Variants in EPB41L4A observed in about 807,000 individuals in gnomAD.
The protein encoded by EPB41L4A is erythrocyte membrane protein band 4.1 like 4A, also known as band 4.1-like protein 4A.
Under a neutral mutation model 108.6 loss-of-function variants are expected in EPB41L4A, and 100 were observed. The ratio of observed to expected loss-of-function variants is 0.92; its 90% CI spans 0.78 to 1.09. The LOEUF is 1.09. EPB41L4A is among the 50% of genes least tolerant of loss of function. EPB41L4A has a pLI of 0.00. For missense variants in EPB41L4A, 1,030 were observed against 842.7 expected (o/e 1.22, Z -2.75); for synonymous variants, 319 against 289.0 (o/e 1.10, Z -1.05).
At chr5:112,198,501 G>A (rs891065493) in intron 15 of EPB41L4A, among the ~76,000 whole-genome samples, 1 of 152,172 alleles carries the variant, frequency 6.6e-6, no homozygotes, top group Non-Finnish European at 1.5e-5. Context: ...TATGTCAAAT[G>A]CTTAGTGGGT....
chr5:112,190,685 G>A (rs1298467761), intron 17 of EPB41L4A, among the ~76,000 whole-genome samples: 1 of 152,060 alleles, frequency 6.6e-6, no homozygotes, highest in Admixed American at 6.6e-5. Flanking sequence ...TCAACAAAAT[G>A]GATCAGTTGT....
intron 1 of EPB41L4A, among the ~76,000 whole-genome samples, chr5:112,359,374 G>A (rs1033318492): frequency 6.6e-6 from 1 of 152,142 alleles, no homozygotes; most frequent in African/African-American, 2.4e-5. Context: ...CCTAGCCAGA[G>A]GCACCCAATT....
chr5:112,400,825 A>G (rs1271710898), intron 1 of EPB41L4A, among the ~76,000 whole-genome samples: 1 of 152,180 alleles, frequency 6.6e-6, no homozygotes, highest in Non-Finnish European at 1.5e-5. Flanking sequence ...AAAGGTATTA[A>G]CATTTACTGA....
chr5:112,190,016 C>G (rs1761616791), intron 17 of EPB41L4A, among the ~76,000 whole-genome samples: 1 of 152,168 alleles, frequency 6.6e-6, no homozygotes, highest in Non-Finnish European at 1.5e-5. Context: ...CTCAAACCTA[C>G]AGCAATAAGC....
intron 1 of EPB41L4A, among the ~76,000 whole-genome samples, chr5:112,365,818 T>G (rs1333975276): frequency 2.0e-5 from 3 of 152,250 alleles, no homozygotes; most frequent in Admixed American, 2.0e-4. Context: ...AGTACTGGAT[T>G]GAGAGATGCC....
At chr5:112,226,666 G>A (rs572323865) in intron 12 of EPB41L4A, among the ~76,000 whole-genome samples, 2 of 151,246 alleles carry the variant, frequency 1.3e-5, no homozygotes, top group Non-Finnish European at 3.0e-5. Flanking sequence ...TCTGAGGTGG[G>A]GAGGAGAGGA....
At chr5:112,157,167 G>C (rs1489360343) in intron 12 of EPB41L4A, among the ~76,000 whole-genome samples, 4 of 151,612 alleles carry the variant, frequency 2.6e-5, no homozygotes, top group African/African-American at 9.7e-5. Context: ...AAAACAACCT[G>C]ATCTATGATG....
Position 112,195,694 on chromosome 5 carries a change from C to G in EPB41L4A, c.1391G>C (p.Ser464Thr), listed in dbSNP as rs1325710946. 1.9e-6 allele frequency: 3 copies of G among 1,613,354 alleles called. No homozygotes were observed. Among genetic ancestry groups the G allele is most frequent in the Non-Finnish European group, 2.5e-6 (3 of 1,179,746 alleles). ...TTGCTTAAGATCTGAATCTTCACCACTGTTATGGGCTTTCCTGTGAAAACA... is the reference window on the plus strand; with the variant it reads ...TTGCTTAAGATCTGAATCTTCACCAGTGTTATGGGCTTTCCTGTGAAAACA... ...QPVRRRKAHN[S>T]GEDSDLKQRR... The change falls in exon 16 of 23, where the codon AGT (serine) becomes ACT (threonine). Residue 464 changes from serine to threonine, a missense_variant. Transcript: ENST00000261486.
At chr5:112,399,950 A>G (rs761201585) in intron 1 of EPB41L4A, among the ~76,000 whole-genome samples, 4 of 152,164 alleles carry the variant, frequency 2.6e-5, no homozygotes, top group Non-Finnish European at 4.4e-5. Context: ...CCAGCCCTAG[A>G]TTACATTTAT....
rs148705019 is a variant in EPB41L4A, at chr5:112,232,989, A to C, written c.1087+1645T>G. 3.0e-3 allele frequency among the ~76,000 whole-genome samples: 450 copies of C among 152,342 alleles called. 2 individuals are homozygous for C. Among genetic ancestry groups the C allele is most frequent in the African/African-American group, 0.01 (433 of 41,568 alleles). The stretch of plus-strand genomic sequence containing the variant: ...AAATTCTGTGAGCAATGAGCACTGA[A>C]CATGGATTAAAGCTGCTTGATTAGG... On this transcript the variant is annotated intron_variant, in intron 12 of 22. Transcript: ENST00000261486.
At chr5:112,217,348 CTAAT>C (rs1212586647) in intron 12 of EPB41L4A, among the ~76,000 whole-genome samples, 2 of 152,164 alleles carry the variant, frequency 1.3e-5, no homozygotes, top group Non-Finnish European at 2.9e-5. Context: ...CATCCAATGG[CTAAT>C]TGTTTAAGTT....
chr5:112,250,819 T>G (rs1231497736), intron 9 of EPB41L4A: 1 of 152,162 alleles, frequency 6.6e-6, no homozygotes, highest in East Asian at 1.9e-4. Context: ...TAGCTCTAAG[T>G]GGCCCAATAC....
At chr5:112,321,227 A>G (rs897571544) in intron 1 of EPB41L4A, among the ~76,000 whole-genome samples, 14 of 152,224 alleles carry the variant, frequency 9.2e-5, no homozygotes, top group African/African-American at 3.4e-4. Context: ...CTGGAAGACC[A>G]ATGGGCATTG....
intron 1 of EPB41L4A, among the ~76,000 whole-genome samples, chr5:112,374,247 G>A (rs1308048127): frequency 1.3e-5 from 2 of 152,188 alleles, no homozygotes; most frequent in South Asian, 2.1e-4. Context: ...GTGATTGGGA[G>A]TGGAAACAAA....
intron 1 of EPB41L4A, among the ~76,000 whole-genome samples, chr5:112,326,291 C>T (rs1756155934): frequency 6.6e-6 from 1 of 151,968 alleles, no homozygotes; most frequent in Admixed American, 6.6e-5. Context: ...CATGCCAAAC[C>T]CCGCATCCAG....
rs1458990116 is a variant in EPB41L4A at position 112,306,852 on chromosome 5, T to A, written c.204+534A>T. Among the ~76,000 whole-genome samples, 7 of 152,272 alleles carry A rather than the reference T, an allele frequency of 4.6e-5. No individual in the cohort carries two copies. In the South Asian group the frequency reaches 1.4e-3, roughly 32 times the overall value. On this transcript the variant is annotated intron_variant, in intron 2 of 22. Transcript: ENST00000261486. ...AATTAACCTTTGTGAACAACTGACA[T>A]AAGAACTAAAAGCTAAGTTGCCTTT... is the stretch of plus-strand genomic sequence containing the variant.
At position 112,361,711 on chromosome 5, in the gene EPB41L4A, AATAAT is replaced by A. The variant is rs199979971; in HGVS notation, c.100-54226_100-54222del. Reference sequence around the variant, plus strand: ...AAGAACACCAAAAATGCTAAAAAAAAATAATAATAATAATAATAATAATAAACTGA... The same window carrying A: ...AAGAACACCAAAAATGCTAAAAAAAAAATAATAATAATAATAATAAACTGA... On this transcript the variant is annotated intron_variant, in intron 1 of 22. Transcript: ENST00000261486. Among the ~76,000 whole-genome samples, 1,044 of 121,452 alleles carry A rather than the reference AATAAT, an allele frequency of 8.6e-3. 12 individuals carry two copies. Among genetic ancestry groups the A allele is most frequent in the African/African-American group, 0.024 (800 of 32,926 alleles). 79.7% of individuals were successfully genotyped at this position (121,452 alleles called of 152,430 possible).
At chr5:112,313,684 T>G (rs1257876786) in intron 1 of EPB41L4A, among the ~76,000 whole-genome samples, 1 of 151,990 alleles carries the variant, frequency 6.6e-6, no homozygotes, top group Non-Finnish European at 1.5e-5. Flanking sequence ...AGGCAGAAAT[T>G]AGTCATTACC....
chr5:112,159,366 A>G (rs1035463724), downstream of EPB41L4A, among the ~76,000 whole-genome samples: 3 of 152,226 alleles, frequency 2.0e-5, no homozygotes, highest in Non-Finnish European at 4.4e-5. Context: ...TTAGAGAAAC[A>G]TGGAGACCTA....
Sources: allele counts gnomAD v4.1 joint callset (sites outside exome capture counted in the v4.1 genomes callset), GRCh38; gene constraint gnomAD v4.1.1; transcripts MANE v1.5; gene names NCBI Gene and HGNC (gene_info 2026-07-23, HGNC 2026-07-21).